Variants in MINDY4 observed in about 807,000 individuals in gnomAD.
The protein encoded by MINDY4 is MINDY lysine 48 deubiquitinase 4.
In MINDY4, 68 loss-of-function variants were observed where a neutral mutation model predicts 87.0. The ratio of observed to expected loss-of-function variants is 0.78; its 90% CI spans 0.64 to 0.96. MINDY4 has a LOEUF of 0.96. Ranked by LOEUF, MINDY4 falls within the 40% of genes least tolerant of loss-of-function variation. The pLI, the probability that MINDY4 is intolerant of heterozygous loss-of-function variation, is 0.00. For missense variants in MINDY4, 919 were observed against 928.2 expected, an observed-to-expected ratio of 0.99 and a Z score of 0.13; for synonymous variants, 379 against 363.2, an observed-to-expected ratio of 1.04 and a Z score of -0.50.
chr7:30,850,582 C>T lies in MINDY4; in HGVS notation c.1547+27C>T, dbSNP rs756806488. On this transcript the variant is annotated intron_variant, in intron 10 of 17. Transcript: ENST00000265299. ...TAAGTGGTTCCGAGGTCTGTGTTGC[C>T]GTGGCTCATCGTCTGCTGGCAGCTG... 1.5e-5 allele frequency: 24 copies of T among 1,567,016 alleles called. No homozygotes were observed. In the South Asian group the frequency reaches 2.0e-4, roughly 13 times the overall value.
chr7:30,879,654 T>C (rs992869025), intron 15 of MINDY4, among the ~76,000 whole-genome samples: 1 of 152,222 alleles, frequency 6.6e-6, no homozygotes, highest in Non-Finnish European at 1.5e-5. Flanking sequence ...TTCCCTGTTA[T>C]CGTTTTGACT....
chr7:30,781,970 A>ATGAT lies in MINDY4; in HGVS notation c.184-6_184-3dup. On this transcript the variant is annotated splice_region_variant and splice_polypyrimidine_tract_variant and intron_variant, in intron 2 of 17. Transcript: ENST00000265299. ...ATTAATGATTTTTTTTTCTCTCCCA[A>ATGAT]TGATAGGCAAAGGAAAATCCTCTAA... is the stretch of plus-strand genomic sequence containing the variant. 2 of 1,604,130 alleles carry ATGAT rather than the reference A, an allele frequency of 1.2e-6. No individual in the cohort carries two copies. Among genetic ancestry groups the ATGAT allele is most frequent in the South Asian group, 2.2e-5 (2 of 90,038 alleles).
rs376189427 is a variant in MINDY4, at chr7:30,875,535, A to G, written c.1850A>G (p.Asn617Ser). 289 of 1,614,050 alleles carry G rather than the reference A, an allele frequency of 1.8e-4. No individual in the cohort carries two copies. The highest frequency in any genetic ancestry group is 5.7e-4 in the African/African-American group (43 of 74,914). ...NLLLTGKAVSNVFNDVVELDS... is the reference protein window; with the variant it reads ...NLLLTGKAVSSVFNDVVELDS... ...CTCCTGACTGGGAAAGCTGTGTCCA[A>G]CGTTTTCAACGATGTGGTTGAGCTG... is the stretch of plus-strand genomic sequence containing the variant. Residue 617 changes from asparagine to serine, a missense_variant, in exon 15 of 18, where the codon AAC becomes AGC. Asn to Ser is a conservative substitution (Grantham distance 46, BLOSUM62 1). Coordinates refer to ENST00000265299, the MANE Select transcript of MINDY4 (RefSeq NM_032222.3).
At position 30,840,829 on chromosome 7, in the gene MINDY4, A is replaced by C. The variant is rs768571159; in HGVS notation, c.1426A>C (p.Ser476Arg). The C allele has an allele frequency of 6.2e-7, 1 of 1,614,054 alleles. No homozygotes were observed. The highest frequency in any genetic ancestry group is 1.3e-5 in the African/African-American group (1 of 74,950). Residue 476 changes from serine to arginine, a missense_variant, in exon 9 of 18, where the codon AGC (serine) becomes CGC (arginine). Physicochemically the swap from Ser to Arg is moderately radical, Grantham distance 110. Coordinates refer to ENST00000265299, the MANE Select transcript of MINDY4 (RefSeq NM_032222.3). ...VLQKLLFEGDSKADCAQGLQP... is the reference protein window; with the variant it reads ...VLQKLLFEGDRKADCAQGLQP... ...ACAGAAACTCCTGTTTGAAGGAGAT[A>C]GCAAAGCCGACTGTGCTCAGTAAGT...
At chr7:30,834,120 G>C (rs571129644) in intron 6 of MINDY4, among the ~76,000 whole-genome samples, 1 of 152,356 alleles carries the variant, frequency 6.6e-6, no homozygotes, top group South Asian at 2.1e-4. Context: ...TGGTGCCCCC[G>C]TAGGGATTCT....
chr7:30,773,994 C>A (rs1266454432), intron 1 of MINDY4, among the ~76,000 whole-genome samples: 4 of 152,218 alleles, frequency 2.6e-5, no homozygotes, highest in African/African-American at 9.7e-5. Context: ...TCGTCCTGCT[C>A]TACACTTGCG....
In MINDY4 at chr7:30,852,251, A is replaced by G. The variant is rs533259256; in HGVS notation, c.1583A>G (p.Lys528Arg). 3.1e-6 allele frequency: 5 copies of G among 1,614,158 alleles called. No homozygotes were observed. The African/African-American group carries it at 6.7e-5, about 22-fold the overall frequency. ...ACACAGCAGTTCAGTCCAACAGGGAAATACAAAGCAGATGGAGTCTTAGAA... is the reference window on the plus strand; with the variant it reads ...ACACAGCAGTTCAGTCCAACAGGGAGATACAAAGCAGATGGAGTCTTAGAA... ...SRTQQFSPTG[K>R]YKADGVLETL... The change falls in exon 11 of 18, where the codon AAA becomes AGA. Residue 528 changes from lysine (K) to arginine (R), a missense_variant. Physicochemically the swap from Lys to Arg is conservative, Grantham distance 26. Transcript: ENST00000265299.
intron 3 of MINDY4, among the ~76,000 whole-genome samples, chr7:30,785,106 T>C (rs1228070820): frequency 2.6e-5 from 4 of 151,468 alleles, no homozygotes; most frequent in Non-Finnish European, 5.9e-5. Flanking sequence ...CCACACTTTA[T>C]TCAATGGTGT....
intron 9 of MINDY4, among the ~76,000 whole-genome samples, 164 bp downstream of exon 9, chr7:30,841,012 C>G (rs59423432): frequency 0.044 from 6,716 of 152,182 alleles, 217 homozygotes; most frequent in East Asian, 0.11. Context: ...CTGCGCAGAC[C>G]AGTGTTAAGG....
chr7:30,811,534 C>T (rs1419077060), intron 5 of MINDY4, among the ~76,000 whole-genome samples: 1 of 152,130 alleles, frequency 6.6e-6, no homozygotes, highest in African/African-American at 2.4e-5. Flanking sequence ...GAGGAGACCA[C>T]CCCTCATATT....
intron 6 of MINDY4, among the ~76,000 whole-genome samples, chr7:30,834,891 A>G (rs1788811099): frequency 1.3e-5 from 2 of 152,184 alleles, no homozygotes; most frequent in Admixed American, 1.3e-4. Context: ...ATTCCCAACA[A>G]GTTCCCCCTC....
At chr7:30,874,239 A>G (rs966617877) in intron 14 of MINDY4, among the ~76,000 whole-genome samples, 1 of 152,218 alleles carries the variant, frequency 6.6e-6, no homozygotes, top group Admixed American at 6.5e-5. Flanking sequence ...GGGCTCGCTC[A>G]AATTCCTCCT....
chr7:30,865,186 C>T (rs1263772484), intron 13 of MINDY4, among the ~76,000 whole-genome samples: 1 of 152,220 alleles, frequency 6.6e-6, no homozygotes, highest in East Asian at 1.9e-4. Flanking sequence ...CACTTGCCCT[C>T]TCTCACCTGA....
intron 1 of MINDY4, among the ~76,000 whole-genome samples, chr7:30,778,170 G>A (rs1786885198): frequency 6.6e-6 from 1 of 152,134 alleles, no homozygotes; most frequent in African/African-American, 2.4e-5. Context: ...GGTTCCAAAT[G>A]TAGGGCCAAA....
At chr7:30,788,076 G>C (rs997586531) in intron 4 of MINDY4, among the ~76,000 whole-genome samples, 1 of 152,100 alleles carries the variant, frequency 6.6e-6, no homozygotes, top group Non-Finnish European at 1.5e-5. Flanking sequence ...TCTCTTTAAC[G>C]TCTTGTTTAG....
At chr7:30,799,537 T>C (rs1562534724) in intron 5 of MINDY4, among the ~76,000 whole-genome samples, 1 of 152,184 alleles carries the variant, frequency 6.6e-6, no homozygotes, top group Non-Finnish European at 1.5e-5. Flanking sequence ...CCCTAACCCC[T>C]TTGCCTATTA....
intron 6 of MINDY4, among the ~76,000 whole-genome samples, chr7:30,833,143 G>C (rs750765713): frequency 5.3e-5 from 8 of 152,142 alleles, no homozygotes; most frequent in Non-Finnish European, 8.8e-5. Flanking sequence ...TAAGGCCATG[G>C]TCATAGGGTA....
In MINDY4 at chr7:30,859,312, G is replaced by A. The variant is rs540231695; in HGVS notation, c.1733G>A (p.Arg578Lys). Reference protein sequence around the residue: ...ILLTLSAILSRSTELIRQDFD... With the variant: ...ILLTLSAILSKSTELIRQDFD... ...CTCACCCTTTCTGCCATCCTGTCCA[G>A]GTCTACAGAGCTGTGAGTATCTTTC... is the stretch of plus-strand genomic sequence containing the variant. Residue 578 changes from arginine (R) to lysine (K), a missense_variant, in exon 13 of 18, where the codon AGG (arginine) becomes AAG (lysine). Physicochemically the swap from Arg to Lys is conservative, Grantham distance 26. Coordinates refer to ENST00000265299, the MANE Select transcript of MINDY4 (RefSeq NM_032222.3). 6.2e-7 allele frequency: 1 copy of A among 1,614,120 alleles called. No homozygotes were observed. Among genetic ancestry groups the A allele is most frequent in the Non-Finnish European group, 8.5e-7 (1 of 1,180,012 alleles).
chr7:30,836,907 A>G (rs1788874507), intron 7 of MINDY4, 143 bp downstream of exon 7: 1 of 651,470 alleles, frequency 1.5e-6, no homozygotes, highest in African/African-American at 1.8e-5. Context: ...GATGTAGAAG[A>G]AAATGTGAAC....
Sources: allele counts gnomAD v4.1 joint callset (sites outside exome capture counted in the v4.1 genomes callset), GRCh38; gene constraint gnomAD v4.1.1; transcripts MANE v1.5; gene names NCBI Gene and HGNC (gene_info 2026-07-23, HGNC 2026-07-21).